Variants in ADAMTSL1 observed in about 807,000 individuals in gnomAD.
ADAMTSL1 encodes the protein ADAMTS-like protein 1.
In ADAMTSL1, 126 loss-of-function variants were observed where a neutral mutation model predicts 201.8. That is an observed-to-expected ratio of 0.62 (90% CI 0.54 to 0.72). The LOEUF is 0.72. Ranked by LOEUF, ADAMTSL1 falls within the 30% of genes least tolerant of loss-of-function variation. ADAMTSL1 has a pLI of 0.00. For missense variants in ADAMTSL1, 2,679 were observed against 2,277.8 expected, an observed-to-expected ratio of 1.18 and a Z score of -3.59; for synonymous variants, 1,121 against 903.4, an observed-to-expected ratio of 1.24 and a Z score of -4.32.
intron 2 of ADAMTSL1, among the ~76,000 whole-genome samples, chr9:18,443,865 T>C (rs1820090241): frequency 6.6e-6 from 1 of 152,206 alleles, no homozygotes; most frequent in Admixed American, 6.5e-5. Flanking sequence ...AGATTGTCTG[T>C]ATAGGCCACA....
chr9:18,328,157 C>T (rs928900874), intron 2 of ADAMTSL1, among the ~76,000 whole-genome samples: 7 of 152,174 alleles, frequency 4.6e-5, no homozygotes, highest in Non-Finnish European at 8.8e-5. Flanking sequence ...ATCCTGTTTG[C>T]ACAAAGTGCT....
In ADAMTSL1 at chr9:17,947,751, G is replaced by GCATCCA. The variant is rs1184301036; in HGVS notation, c.87+40830_87+40835dup. ...TTGCAAATCTGTGCTAATAAGTCAAGCATCCAGTTAATGGCATTGCTTCAT... is the reference window on the plus strand; with the variant it reads ...TTGCAAATCTGTGCTAATAAGTCAAGCATCCACATCCAGTTAATGGCATTGCTTCAT... On this transcript the variant is annotated intron_variant, in intron 1 of 29. Coordinates refer to the ADAMTSL1 transcript ENST00000680146. 4.6e-5 allele frequency among the ~76,000 whole-genome samples: 7 copies of GCATCCA among 152,290 alleles called. No homozygotes were observed. The East Asian group carries it at 1.4e-3, about 29-fold the overall frequency.
intron 1 of ADAMTSL1, among the ~76,000 whole-genome samples, chr9:18,486,064 G>A (rs1297660228): frequency 6.6e-6 from 1 of 152,174 alleles, no homozygotes; most frequent in Admixed American, 6.5e-5. Context: ...AGTGCCAGCT[G>A]GGTGCTAGGG....
At chr9:18,779,574 C>T (rs1821264836) in intron 19 of ADAMTSL1, among the ~76,000 whole-genome samples, 1 of 152,200 alleles carries the variant, frequency 6.6e-6, no homozygotes. Flanking sequence ...GCAGCATGCC[C>T]CAGAGCTTGT....
intron 16 of ADAMTSL1, among the ~76,000 whole-genome samples, chr9:18,762,460 T>C (rs1820128133): frequency 6.6e-6 from 1 of 152,206 alleles, no homozygotes. Context: ...TCTTGAAGAA[T>C]GGGGCATCCA....
chr9:18,721,410 C>A, intron 14 of ADAMTSL1, 126 bp from the exon 15 acceptor site: 1 of 1,349,626 alleles, frequency 7.4e-7, no homozygotes, highest in Non-Finnish European at 1.0e-6. Context: ...AAACTGCCAT[C>A]TCTGACATAC....
chr9:18,815,663 A>T (rs2131174637), intron 20 of ADAMTSL1, among the ~76,000 whole-genome samples: 1 of 145,186 alleles, frequency 6.9e-6, no homozygotes, highest in Non-Finnish European at 1.5e-5. Flanking sequence ...AGCCAACATC[A>T]CACCACTGCC....
intron 1 of ADAMTSL1, among the ~76,000 whole-genome samples, chr9:18,002,783 T>C (rs1470119299): frequency 6.6e-6 from 1 of 152,086 alleles, no homozygotes. Flanking sequence ...CAGTATATAT[T>C]GTTATCTCTA....
intron 1 of ADAMTSL1, among the ~76,000 whole-genome samples, chr9:18,013,951 G>T (rs577553848): frequency 6.6e-6 from 1 of 152,022 alleles, no homozygotes; most frequent in African/African-American, 2.4e-5. Context: ...TGGTAAAAGA[G>T]AACCTGGGGG....
chr9:18,224,260 G>T (rs1452767938), intron 2 of ADAMTSL1, among the ~76,000 whole-genome samples: 2 of 152,084 alleles, frequency 1.3e-5, no homozygotes, highest in Admixed American at 6.6e-5. Flanking sequence ...ACACCAGCAG[G>T]TTCGGTGTCT....
At chr9:18,337,050 G>T (rs1835269699) in intron 2 of ADAMTSL1, among the ~76,000 whole-genome samples, 1 of 152,038 alleles carries the variant, frequency 6.6e-6, no homozygotes, top group Non-Finnish European at 1.5e-5. Flanking sequence ...ATTGATCCTA[G>T]GTGTGTCTGT....
At chr9:18,410,323 C>A (rs1425649805) in intron 2 of ADAMTSL1, among the ~76,000 whole-genome samples, 1 of 152,030 alleles carries the variant, frequency 6.6e-6, no homozygotes, top group African/African-American at 2.4e-5. Context: ...AGTTATTAAG[C>A]ATCCATTAGC....
chr9:18,197,235 T>C (rs976989669), intron 2 of ADAMTSL1, among the ~76,000 whole-genome samples: 1 of 152,162 alleles, frequency 6.6e-6, no homozygotes, highest in African/African-American at 2.4e-5. Flanking sequence ...GGTAGCTTGA[T>C]GGGGATGGCA....
At chr9:18,050,548 GCT>G (rs1821886019) in intron 1 of ADAMTSL1, among the ~76,000 whole-genome samples, 1 of 152,166 alleles carries the variant, frequency 6.6e-6, no homozygotes, top group Admixed American at 6.5e-5. Flanking sequence ...ATCAAAATAA[GCT>G]CTGTGTGAAT....
At chr9:18,284,876 T>C (rs1444296252) in intron 2 of ADAMTSL1, among the ~76,000 whole-genome samples, 2 of 152,220 alleles carry the variant, frequency 1.3e-5, no homozygotes, top group African/African-American at 4.8e-5. Flanking sequence ...AAACTATCCG[T>C]TATCATATTA....
intron 21 of ADAMTSL1, among the ~76,000 whole-genome samples, chr9:18,818,612 CA>C (rs1478965091): frequency 6.6e-6 from 1 of 151,892 alleles, no homozygotes; most frequent in Non-Finnish European, 1.5e-5. Context: ...GGCAACATGG[CA>C]AAACCTTGTC....
chr9:18,470,621 A>C (rs1485153565), upstream of ADAMTSL1, among the ~76,000 whole-genome samples: 1 of 152,170 alleles, frequency 6.6e-6, no homozygotes, highest in East Asian at 1.9e-4. Flanking sequence ...CGGGCTAAGC[A>C]GAGAGGCTCA....
At chr9:18,360,935 A>T (rs1836490668) in intron 2 of ADAMTSL1, among the ~76,000 whole-genome samples, 1 of 152,184 alleles carries the variant, frequency 6.6e-6, no homozygotes, top group Non-Finnish European at 1.5e-5. Flanking sequence ...CCGCCAAATA[A>T]ATGAACAAAT....
intron 2 of ADAMTSL1, among the ~76,000 whole-genome samples, chr9:18,166,924 G>T (rs759359626): frequency 2.6e-5 from 4 of 151,828 alleles, no homozygotes; most frequent in Non-Finnish European, 2.9e-5. Flanking sequence ...ACCTATTGGC[G>T]TGAATTAACT....
Sources: gnomAD v4.1 joint callset for allele counts (sites outside exome capture counted in the v4.1 genomes callset) on GRCh38, gnomAD v4.1.1 for gene constraint, MANE v1.5 for transcripts, NCBI Gene and HGNC (gene_info 2026-07-23, HGNC 2026-07-21) for gene names.